IL1RAPL1: variants seen among roughly 807,000 people sequenced by gnomAD.
IL1RAPL1 encodes the protein interleukin-1 receptor accessory protein-like 1.
A neutral mutation model predicts 48.4 loss-of-function variants in IL1RAPL1; 3 were observed. That is an observed-to-expected ratio of 0.06 (90% confidence interval 0.03 to 0.16). The LOEUF is 0.16. Ranked by LOEUF, IL1RAPL1 falls within the 10% of genes least tolerant of loss-of-function variation. The pLI is 1.00. For synonymous variants in IL1RAPL1, 185 were observed against 187.7 expected (o/e 0.99, Z 0.12); for missense variants, 349 against 530.6 (o/e 0.66, Z 3.36).
At chrX:29,736,094 C>T (rs1285923962) in intron 6 of IL1RAPL1, among the ~76,000 whole-genome samples, 1 of 112,130 alleles carries the variant, frequency 8.9e-6, no homozygotes, top group African/African-American at 3.2e-5. Flanking sequence ...CTGAAGTTGT[C>T]CACAAAGAAG....
chrX:28,970,015 A>ATGTT (rs1171953851), intron 2 of IL1RAPL1, among the ~76,000 whole-genome samples: 1 of 110,749 alleles, frequency 9.0e-6, no homozygotes, highest in African/African-American at 3.3e-5. Context: ...ACATATATAT[A>ATGTT]TAAAGATAAA....
At chrX:29,493,022 A>G (rs1478311476) in intron 5 of IL1RAPL1, among the ~76,000 whole-genome samples, 3 of 111,880 alleles carry the variant, frequency 2.7e-5, no homozygotes, top group Admixed American at 9.6e-5. Context: ...ATTATTTTTC[A>G]GTGAAAATTG....
intron 1 of IL1RAPL1, among the ~76,000 whole-genome samples, chrX:28,747,564 C>T (rs1486220102): frequency 8.9e-6 from 1 of 111,737 alleles, no homozygotes; most frequent in African/African-American, 3.3e-5. Flanking sequence ...TTGCTTGAAC[C>T]TGAGAGACAG....
At chrX:28,756,398 C>T (rs1936105543) in intron 1 of IL1RAPL1, among the ~76,000 whole-genome samples, 1 of 111,725 alleles carries the variant, frequency 9.0e-6, no homozygotes. Flanking sequence ...CTAACTGTGT[C>T]CTATACTTAA....
intron 2 of IL1RAPL1, among the ~76,000 whole-genome samples, chrX:29,245,817 C>T (rs6653813): frequency 0.017 from 1,893 of 111,019 alleles, 44 homozygotes; most frequent in African/African-American, 0.057. Flanking sequence ...TTGTTGCCAT[C>T]GCTTTTGGTG....
At chrX:29,914,579 T>C (rs1932783067) in intron 6 of IL1RAPL1, among the ~76,000 whole-genome samples, 1 of 111,676 alleles carries the variant, frequency 9.0e-6, no homozygotes, top group African/African-American at 3.3e-5. Context: ...AAAACTGTAA[T>C]ACATCTTGAT....
chrX:29,761,940 C>T (rs1928762561), intron 6 of IL1RAPL1, among the ~76,000 whole-genome samples: 1 of 111,829 alleles, frequency 8.9e-6, no homozygotes, highest in Non-Finnish European at 1.9e-5. Flanking sequence ...GCACTGAATT[C>T]GTTCTTGAGA....
At chrX:29,250,724 ACTC>A (rs1931590736) in intron 2 of IL1RAPL1, among the ~76,000 whole-genome samples, 2 of 110,247 alleles carry the variant, frequency 1.8e-5, no homozygotes, top group South Asian at 3.9e-4. Flanking sequence ...TTCCATGTAA[ACTC>A]CTGTTTGTAT....
At chrX:29,669,990 AT>A (rs200505816) in intron 6 of IL1RAPL1, among the ~76,000 whole-genome samples, 2,612 of 111,915 alleles carry the variant, frequency 0.023, 77 homozygotes, top group African/African-American at 0.08. Context: ...ATATAAAACT[AT>A]TAAACATTTT....
At chrX:29,400,430 A>G (rs967338083) in intron 5 of IL1RAPL1, among the ~76,000 whole-genome samples, 2 of 112,048 alleles carry the variant, frequency 1.8e-5, no homozygotes, top group Admixed American at 1.9e-4. Flanking sequence ...TTTTTTCTTT[A>G]TAGTGCATTT....
intron 6 of IL1RAPL1, among the ~76,000 whole-genome samples, chrX:29,806,247 A>C (rs1300693063): frequency 8.9e-6 from 1 of 112,200 alleles, no homozygotes; most frequent in Non-Finnish European, 1.9e-5. Flanking sequence ...ACACTTAGAA[A>C]GTTGAAGGCT....
intron 2 of IL1RAPL1, among the ~76,000 whole-genome samples, chrX:28,835,466 G>A (rs757759920): frequency 9.0e-6 from 1 of 111,163 alleles, no homozygotes; most frequent in Non-Finnish European, 1.9e-5. Flanking sequence ...GAACTATCTC[G>A]ATTGCCCAAA....
chrX:29,362,786 C>T (rs1436415969), intron 3 of IL1RAPL1, among the ~76,000 whole-genome samples: 1 of 111,877 alleles, frequency 8.9e-6, no homozygotes, highest in Non-Finnish European at 1.9e-5. Context: ...TATTGCTCAT[C>T]GGAGTGATTT....
chrX:28,847,901 A>G (rs761295093), intron 2 of IL1RAPL1, among the ~76,000 whole-genome samples: 1 of 111,974 alleles, frequency 8.9e-6, no homozygotes, highest in East Asian at 2.8e-4. Context: ...ATGAGGAGAG[A>G]GTTTTGTCTG....
rs1036216841 is a variant in IL1RAPL1 at position 28,842,873 on chromosome X, A to G, written c.82+53448A>G. Reference sequence around the variant, plus strand: ...GCTTTTTGCCTCATACAGAATAAGTATGGCTCTGTTTCAAGATTCTGGTGT... The same window carrying G: ...GCTTTTTGCCTCATACAGAATAAGTGTGGCTCTGTTTCAAGATTCTGGTGT... On this transcript the variant is annotated intron_variant, in intron 2 of 10. Transcript: ENST00000378993. Among the ~76,000 whole-genome samples, 113 of 111,272 alleles carry G rather than the reference A, an allele frequency of 1.0e-3. 7 individuals are homozygous for G. The highest frequency in any genetic ancestry group is 1.7e-4 in the Non-Finnish European group (9 of 52,881).
At position 29,236,591 on chromosome X, in the gene IL1RAPL1, C is replaced by T. The variant is rs777494796; in HGVS notation, c.83-46347C>T. 8.1e-4 allele frequency among the ~76,000 whole-genome samples: 64 copies of T among 79,070 alleles called. 2 individuals are homozygous for T. The highest frequency in any genetic ancestry group is 3.3e-3 in the African/African-American group (59 of 18,034). The allele number at this position is 79,070 out of a possible 115,157, so 68.7% of individuals were successfully genotyped here. ...TTTTTGAGATGGAGTCTTGCTCTGTCACCCAGGCTGGAGTACAGTGGTGCG... is the reference window on the plus strand; with the variant it reads ...TTTTTGAGATGGAGTCTTGCTCTGTTACCCAGGCTGGAGTACAGTGGTGCG... On this transcript the variant is annotated intron_variant, in intron 2 of 10. Coordinates refer to ENST00000378993, the MANE Select transcript of IL1RAPL1 (RefSeq NM_014271.4).
chrX:28,921,170 A>C (rs754408419), intron 2 of IL1RAPL1, among the ~76,000 whole-genome samples: 4 of 111,218 alleles, frequency 3.6e-5, no homozygotes. Context: ...TAGTTTCTAA[A>C]GTCTGTGGAG....
chrX:29,641,371 C>T (rs1925166985), intron 5 of IL1RAPL1, among the ~76,000 whole-genome samples: 1 of 112,359 alleles, frequency 8.9e-6, no homozygotes, highest in African/African-American at 3.2e-5. Context: ...CATTTCTCTT[C>T]GAATAGTTTC....
chrX:29,909,213 TAAA>T (rs770384364), intron 6 of IL1RAPL1, among the ~76,000 whole-genome samples: 1 of 110,821 alleles, frequency 9.0e-6, no homozygotes, highest in African/African-American at 3.3e-5. Flanking sequence ...TGTCTCTATT[TAAA>T]AATAAAATAA....
Sources: allele counts gnomAD v4.1 joint callset (sites outside exome capture counted in the v4.1 genomes callset), GRCh38; gene constraint gnomAD v4.1.1; transcripts MANE v1.5; gene names NCBI Gene and HGNC (gene_info 2026-07-23, HGNC 2026-07-21).